The following NXPE4 variants were observed in gnomAD, a reference collection of about 807,000 sequenced individuals.
NXPE4 encodes the protein neurexophilin and PC-esterase domain family member 4.
A neutral mutation model predicts 33.3 loss-of-function variants in NXPE4; 42 were observed. The ratio of observed to expected loss-of-function variants is 1.26; its 90% CI spans 0.98 to 1.63. The LOEUF (loss-of-function observed/expected upper bound fraction) is 1.63, where lower values mean the gene tolerates loss of function less well. NXPE4 is among the 40% of genes most tolerant of loss of function. NXPE4 has a pLI of 0.00. For synonymous variants in NXPE4, 253 were observed against 234.9 expected (o/e 1.08, Z -0.71); for missense variants, 709 against 647.6 (o/e 1.09, Z -1.03).
At chr11:114,639,679 T>C in the NXPE4 span, among the ~76,000 whole-genome samples, 6 of 141,752 alleles carry the variant, frequency 4.2e-5, no homozygotes, top group Non-Finnish European at 4.5e-5. Context: ...ATATATGTAA[T>C]ATATTGTATC....
the NXPE4 span, among the ~76,000 whole-genome samples, chr11:114,621,660 C>T: frequency 6.6e-6 from 1 of 152,164 alleles, no homozygotes; most frequent in African/African-American, 2.4e-5. Context: ...ACCACTGTTA[C>T]CCTGTGGATA....
the NXPE4 span, among the ~76,000 whole-genome samples, chr11:114,629,385 T>C: frequency 6.6e-6 from 1 of 152,016 alleles, no homozygotes; most frequent in East Asian, 1.9e-4. Flanking sequence ...TCAATAAATG[T>C]AATCCAGCAT....
At position 114,581,937 on chromosome 11, in the gene NXPE4, TTGCCTATTAGGCTA is replaced by T. The variant is rs754537182; in HGVS notation, c.831-165_831-152del. ...GGCCATTTAGTAAATTTCCATTTCT[TTGCCTATTAGGCTA>T]TGGGATACAGTTACCCAGAAGGTAT... On this transcript the variant is annotated intron_variant, in intron 3 of 5. Coordinates refer to ENST00000375478, the MANE Select transcript of NXPE4 (RefSeq NM_001077639.2). 44 of 651,080 alleles carry T rather than the reference TTGCCTATTAGGCTA, an allele frequency of 6.8e-5. 1 individual carries two copies. In the Middle Eastern group the frequency reaches 2.0e-3, roughly 30 times the overall value. The allele number at this position is 651,080 out of a possible 1,614,324, so 40.3% of individuals were successfully genotyped here. A position where few individuals can be genotyped will look rare whatever the true frequency, so the allele number is the denominator to read the frequency against.
At chr11:114,664,155 A>G in the NXPE4 span, among the ~76,000 whole-genome samples, 5 of 152,218 alleles carry the variant, frequency 3.3e-5, no homozygotes, top group African/African-American at 9.6e-5. Context: ...ACAAGCTGGG[A>G]TATATCCATA....
chr11:114,642,657 C>G, the NXPE4 span, among the ~76,000 whole-genome samples: 2 of 152,036 alleles, frequency 1.3e-5, no homozygotes, highest in African/African-American at 4.8e-5. Context: ...TTTATCCAGT[C>G]TATTATTGAT....
chr11:114,673,008 C>T, the NXPE4 span, among the ~76,000 whole-genome samples: 1 of 150,110 alleles, frequency 6.7e-6, no homozygotes, highest in African/African-American at 2.4e-5. Context: ...ATATTCTTCT[C>T]AAGTACACAT....
the NXPE4 span, among the ~76,000 whole-genome samples, chr11:114,631,284 CAAT>C: frequency 2.6e-5 from 4 of 151,642 alleles, no homozygotes; most frequent in Non-Finnish European, 5.9e-5. Flanking sequence ...AAATGTCCAA[CAAT>C]GATAGACTGG....
chr11:114,571,843 A>G (rs930072367), intron 5 of NXPE4, among the ~76,000 whole-genome samples: 3 of 152,206 alleles, frequency 2.0e-5, no homozygotes, highest in Admixed American at 6.5e-5. Flanking sequence ...GCTCTCTGAG[A>G]TGCTGAAAAA....
At chr11:114,632,875 T>A in the NXPE4 span, among the ~76,000 whole-genome samples, 5,282 of 52,024 alleles carry the variant, frequency 0.1, 906 homozygotes, top group African/African-American at 0.14. Flanking sequence ...TATAATTATA[T>A]AATTATATAT....
At chr11:114,624,925 G>T in the NXPE4 span, among the ~76,000 whole-genome samples, 2 of 151,924 alleles carry the variant, frequency 1.3e-5, no homozygotes, top group African/African-American at 4.8e-5. Context: ...ACTGTTACCT[G>T]GTGGATAATA....
chr11:114,625,756 T>A, the NXPE4 span, among the ~76,000 whole-genome samples: 6 of 152,168 alleles, frequency 3.9e-5, no homozygotes, highest in Non-Finnish European at 8.8e-5. Context: ...CATTTCCATC[T>A]GAGGTACCAG....
At chr11:114,661,220 T>C in the NXPE4 span, among the ~76,000 whole-genome samples, 1 of 152,160 alleles carries the variant, frequency 6.6e-6, no homozygotes, top group Non-Finnish European at 1.5e-5. Flanking sequence ...CAAAATCCAG[T>C]AGGGTACTTT....
chr11:114,609,367 G>A, the NXPE4 span, among the ~76,000 whole-genome samples: 27 of 151,792 alleles, frequency 1.8e-4, no homozygotes, highest in African/African-American at 4.6e-4. Context: ...GGTAACCACC[G>A]TTACCCGGTG....
At chr11:114,653,879 C>T in the NXPE4 span, among the ~76,000 whole-genome samples, 1 of 152,006 alleles carries the variant, frequency 6.6e-6, no homozygotes, top group Non-Finnish European at 1.5e-5. Context: ...TTCCAGCTTT[C>T]CTAAGCAAGG....
chr11:114,638,471 A>G, the NXPE4 span, among the ~76,000 whole-genome samples: 1 of 152,020 alleles, frequency 6.6e-6, no homozygotes, highest in African/African-American at 2.4e-5. Flanking sequence ...AACTCATCAA[A>G]GTCATTCTCC....
the NXPE4 span, among the ~76,000 whole-genome samples, chr11:114,649,321 T>C: frequency 1.1e-4 from 16 of 152,166 alleles, no homozygotes; most frequent in Non-Finnish European, 2.4e-4. Context: ...AGCAAAAAAT[T>C]AGAGAAAATC....
In NXPE4 at chr11:114,570,880, A is replaced by G; in HGVS notation, c.*58T>C. The stretch of plus-strand genomic sequence containing the variant: ...AGCCAAACACAGCATCTGGCCTGCT[A>G]GTAGACAGTCAATAAATTTTTTTAC... On this transcript the variant is annotated 3_prime_UTR_variant, in exon 6 of 6. Coordinates refer to ENST00000375478, the MANE Select transcript of NXPE4 (RefSeq NM_001077639.2). 8.2e-7 allele frequency: 1 copy of G among 1,226,562 alleles called. No homozygotes were observed. The highest frequency in any genetic ancestry group is 1.1e-6 in the Non-Finnish European group (1 of 880,618). The allele number at this position is 1,226,562 out of a possible 1,614,324, so 76.0% of individuals were successfully genotyped here.
At chr11:114,629,436 T>C in the NXPE4 span, among the ~76,000 whole-genome samples, 1 of 151,652 alleles carries the variant, frequency 6.6e-6, no homozygotes, top group Admixed American at 6.6e-5. Context: ...ATTATCTCAA[T>C]AGATGCAGAA....
chr11:114,626,172 C>A, the NXPE4 span, among the ~76,000 whole-genome samples: 21 of 152,278 alleles, frequency 1.4e-4, no homozygotes, highest in African/African-American at 4.8e-4. Context: ...GTGGAGCCCA[C>A]CACAGCTTAA....
Sources: gnomAD v4.1 joint callset for allele counts (sites outside exome capture counted in the v4.1 genomes callset) on GRCh38, gnomAD v4.1.1 for gene constraint, MANE v1.5 for transcripts, NCBI Gene and HGNC (gene_info 2026-07-23, HGNC 2026-07-21) for gene names.